Variants in ODAD1 observed in about 807,000 individuals in gnomAD.
ODAD1 encodes the protein outer dynein arm docking complex subunit 1.
ODAD1 carries 49 observed loss-of-function variants against 67.2 expected under a neutral mutation model. That is an observed-to-expected ratio of 0.73 (90% confidence interval 0.58 to 0.92). The LOEUF is 0.92. Among genes scored for constraint, ODAD1 ranks in the 40% least tolerant of loss-of-function variants. The pLI, the probability that ODAD1 is intolerant of heterozygous loss-of-function variation, is 0.00. For missense variants in ODAD1, 897 were observed against 953.7 expected, an observed-to-expected ratio of 0.94 and a Z score of 0.78; for synonymous variants, 345 against 393.7, an observed-to-expected ratio of 0.88 and a Z score of 1.46.
chr19:48,304,007 T>C lies in ODAD1; in HGVS notation c.799A>G (p.Lys267Glu), dbSNP rs201621335. The change falls in exon 9 of 16, where the codon AAG (lysine) becomes GAG (glutamate). Residue 267 changes from lysine to glutamate, a missense_variant. Coordinates refer to ENST00000674294, the MANE Select transcript of ODAD1 (RefSeq NM_001364171.2). ...LEQLHHFLKL[K>E]NNDRQPDPDV... ...GGATCCGGCTGCCGGTCGTTGTTCT[T>C]GAGCTTGAGGAAGTGGTGCAGCTGC... The C allele has an allele frequency of 5.0e-6, 8 of 1,614,184 alleles. No homozygotes were observed. Among genetic ancestry groups the C allele is most frequent in the Middle Eastern group, 1.6e-4 (1 of 6,062 alleles).
At chr19:48,303,821 T>C in intron 9 of ODAD1, 37 bp from the exon 10 acceptor site, 2 of 1,586,790 alleles carry the variant, frequency 1.3e-6, no homozygotes, top group Non-Finnish European at 1.7e-6. Flanking sequence ...GCCTCCTGGG[T>C]GGCCTCCAAC....
chr19:48,315,077 T>G (rs1019710803), intron 5 of ODAD1, among the ~76,000 whole-genome samples: 3 of 152,066 alleles, frequency 2.0e-5, no homozygotes, highest in African/African-American at 7.2e-5. Context: ...TTCTTTCTTT[T>G]ATTTTTTCTT....
intron 11 of ODAD1, 50 bp downstream of exon 11, chr19:48,302,963 C>CGGGGTGGGGGTGGGAGGGGGGG: frequency 1.3e-6 from 1 of 777,446 alleles, no homozygotes; most frequent in Non-Finnish European, 2.1e-6. Flanking sequence ...GGGAAGGGGG[C>CGGGGTGGGGGTGGGAGGGGGGG]GGGGAGGCCG....
In ODAD1 at chr19:48,320,321, G is replaced by A. The variant is rs1969000795; in HGVS notation, c.48C>T (p.Ser16=). Residue 16 remains serine (S), a synonymous_variant, in exon 3 of 16, where the codon AGC becomes AGT. Transcript: ENST00000674294. ...LAGSARSEEG[S]EAFLEGMVDW... The stretch of plus-strand genomic sequence containing the variant: ...TACCCATTCCCTCCAGAAATGCCTC[G>A]CTTCCCTCCTCGGAGCGGGCGCTCC... 4.7e-6 allele frequency: 6 copies of A among 1,288,480 alleles called. No homozygotes were observed. Among genetic ancestry groups the A allele is most frequent in the Non-Finnish European group, 3.0e-6 (3 of 987,974 alleles). 79.8% of individuals were successfully genotyped at this position (1,288,480 alleles called of 1,614,324 possible). A position where few individuals can be genotyped will look rare whatever the true frequency, so the allele number is the denominator to read the frequency against.
intron 7 of ODAD1, among the ~76,000 whole-genome samples, chr19:48,309,486 C>T (rs1968703663): frequency 6.6e-6 from 1 of 152,146 alleles, no homozygotes; most frequent in African/African-American, 2.4e-5. Context: ...GAACACTGGA[C>T]GAGACGACCT....
rs181868360 is a variant in ODAD1, at chr19:48,302,578, C to T, written c.1240+116G>A. The T allele has an allele frequency of 1.9e-5, 15 of 774,166 alleles. No individual in the cohort carries two copies. The African/African-American group carries it at 2.2e-4, about 12-fold the overall frequency. The allele number at this position is 774,166 out of a possible 1,614,324, so 48.0% of individuals were successfully genotyped here. ...GTTGGAAAGATGGACAGATATGGGG[C>T]AACTGATAAGCAAGTGAACCAGGTT... On this transcript the variant is annotated intron_variant, in intron 12 of 15. Coordinates refer to ENST00000674294, the MANE Select transcript of ODAD1 (RefSeq NM_001364171.2).
chr19:48,321,643 T>C, intron 1 of ODAD1, 35 bp downstream of exon 1: 1 of 383,550 alleles, frequency 2.6e-6, no homozygotes, highest in Non-Finnish European at 4.6e-6. Context: ...GTCGAAATGG[T>C]CCTGGGGAGG....
rs1475889445 is a variant in ODAD1, at chr19:48,311,557, T to C, written c.593A>G (p.Lys198Arg). ...CTGGATTTCAGGGCCACTGACCTTC[T>C]TCAGCTTGCGGTCCACGTTCAGATA... ...NRYLNVDRKL[K>R]KEIHHLHHLV... Residue 198 changes from lysine to arginine, a missense_variant, in exon 7 of 16, where the codon AAG becomes AGG. Physicochemically the swap from Lys to Arg is conservative, Grantham distance 26 (BLOSUM62 2). Transcript: ENST00000674294. The C allele has an allele frequency of 1.3e-6, 2 of 1,544,870 alleles. No homozygotes were observed. The highest frequency in any genetic ancestry group is 1.8e-6 in the Non-Finnish European group (2 of 1,141,138).
In ODAD1 at chr19:48,296,973, G is replaced by T. The variant is rs758271530; in HGVS notation, c.*3C>A. ...GCAGGGTGGGGGCTGCGTGCCCCTC[G>T]TGTTAGCCCCGGGAGTCTTTGCTGG... On this transcript the variant is annotated 3_prime_UTR_variant, in exon 16 of 16. Coordinates refer to ENST00000674294, the MANE Select transcript of ODAD1 (RefSeq NM_001364171.2). 8 of 1,589,192 alleles carry T rather than the reference G, an allele frequency of 5.0e-6. No individual in the cohort carries two copies. Among genetic ancestry groups the T allele is most frequent in the Non-Finnish European group, 4.3e-6 (5 of 1,169,354 alleles).
intron 5 of ODAD1, among the ~76,000 whole-genome samples, chr19:48,315,737 T>C (rs138863018): frequency 1.3e-5 from 2 of 152,304 alleles, no homozygotes; most frequent in Admixed American, 1.3e-4. Flanking sequence ...GAATTTTATA[T>C]TAATGGAATT....
At chr19:48,301,049 C>G (rs1298901284) in intron 12 of ODAD1, 1 of 152,444 alleles carries the variant, frequency 6.6e-6, no homozygotes, top group Admixed American at 6.6e-5. Flanking sequence ...CGCTTGAACC[C>G]AGGAAGCGGA....
chr19:48,297,157 C>A lies in ODAD1; in HGVS notation c.1943G>T (p.Gly648Val), dbSNP rs528300335. Residue 648 changes from glycine (G) to valine (V), a missense_variant, in exon 16 of 16, where the codon GGC (glycine) becomes GTC (valine). By Grantham distance (109) the Gly-to-Val change is moderately radical. Transcript: ENST00000674294. ...FRPVSASSYLGSTGYVGSSRG... is the reference protein window; with the variant it reads ...FRPVSASSYLVSTGYVGSSRG... ...GCTGGACCCCACGTATCCAGTGGAG[C>A]CCAGGTAGCTGCTGGCGCTGACGGG... 2.5e-6 allele frequency: 4 copies of A among 1,614,150 alleles called. No individual in the cohort carries two copies. The South Asian group carries it at 4.4e-5, about 18-fold the overall frequency.
intron 12 of ODAD1, among the ~76,000 whole-genome samples, 154 bp from the exon 13 acceptor site, chr19:48,298,494 G>T (rs1365830858): frequency 6.6e-6 from 1 of 152,176 alleles, no homozygotes; most frequent in Non-Finnish European, 1.5e-5. Context: ...AGCCAGGCAG[G>T]GGGACGGCAC....
At chr19:48,308,925 G>C (rs1230287550) in intron 7 of ODAD1, among the ~76,000 whole-genome samples, 1 of 152,156 alleles carries the variant, frequency 6.6e-6, no homozygotes, top group Non-Finnish European at 1.5e-5. Context: ...CCAGGGAGCA[G>C]GCAGCAGCCG....
In ODAD1 at chr19:48,297,467, C is replaced by T. The variant is rs1968327385; in HGVS notation, c.1633G>A (p.Ala545Thr). The T allele has an allele frequency of 6.9e-6, 11 of 1,600,502 alleles. No homozygotes were observed. Among genetic ancestry groups the T allele is most frequent in the South Asian group, 5.5e-5 (5 of 90,410 alleles). ...EAQRQKDLAAAAAKLDGTLSV... is the reference protein window; with the variant it reads ...EAQRQKDLAATAAKLDGTLSV... ...AGGGTGCCGTCCAGCTTCGCGGCGGCGGCGGCCAGGTCCTTCTGGCGCTGC... is the reference window on the plus strand; with the variant it reads ...AGGGTGCCGTCCAGCTTCGCGGCGGTGGCGGCCAGGTCCTTCTGGCGCTGC... The change falls in exon 16 of 16, where the codon GCC (alanine) becomes ACC (threonine). Residue 545 changes from alanine (A) to threonine (T), a missense_variant. Physicochemically the swap from Ala to Thr is moderately conservative, Grantham distance 58 (BLOSUM62 0). Transcript: ENST00000674294.
At chr19:48,316,287 A>C (rs1968896313) in intron 5 of ODAD1, among the ~76,000 whole-genome samples, 1 of 152,022 alleles carries the variant, frequency 6.6e-6, no homozygotes, top group South Asian at 2.1e-4. Flanking sequence ...AGGCTGAGAC[A>C]GGAGAATGTT....
At chr19:48,303,398 A>T in intron 10 of ODAD1, 1 of 603,772 alleles carries the variant, frequency 1.7e-6, no homozygotes, top group Non-Finnish European at 2.9e-6. Flanking sequence ...GGAGAGAAAC[A>T]GAGAGGGACA....
intron 7 of ODAD1, among the ~76,000 whole-genome samples, chr19:48,307,026 T>C (rs1409210589): frequency 6.6e-6 from 1 of 151,704 alleles, no homozygotes; most frequent in Non-Finnish European, 1.5e-5. Flanking sequence ...CTACTAAAAA[T>C]ACAAAAAATT....
At chr19:48,316,475 C>T (rs540664749) in intron 5 of ODAD1, among the ~76,000 whole-genome samples, 1 of 152,160 alleles carries the variant, frequency 6.6e-6, no homozygotes, top group South Asian at 2.1e-4. Flanking sequence ...AGTTCTGCTT[C>T]CTCTACATCC....
Sources: gnomAD v4.1 joint callset for allele counts (sites outside exome capture counted in the v4.1 genomes callset) on GRCh38, gnomAD v4.1.1 for gene constraint, MANE v1.5 for transcripts, NCBI Gene and HGNC (gene_info 2026-07-23, HGNC 2026-07-21) for gene names.